The following PTPN3 variants were observed in gnomAD, a reference collection of about 807,000 sequenced individuals.
PTPN3 encodes tyrosine-protein phosphatase non-receptor type 3.
PTPN3 carries 96 observed loss-of-function variants against 132.7 expected under a neutral mutation model. The observed-to-expected ratio is 0.72, with a 90% CI of 0.61 to 0.86. PTPN3 has a LOEUF of 0.86. Among genes scored for constraint, PTPN3 ranks in the 40% least tolerant of loss-of-function variants. PTPN3 has a pLI of 0.00. For synonymous variants in PTPN3, 398 were observed against 429.0 expected, an observed-to-expected ratio of 0.93 and a Z score of 0.89; for missense variants, 1,125 against 1,159.6, an observed-to-expected ratio of 0.97 and a Z score of 0.43.
At chr9:109,402,034 C>T (rs1841159177) in intron 19 of PTPN3, among the ~76,000 whole-genome samples, 1 of 152,138 alleles carries the variant, frequency 6.6e-6, no homozygotes, top group South Asian at 2.1e-4. Flanking sequence ...GCCAGAAACT[C>T]CCCTCTCCTT....
chr9:109,437,811 C>G (rs1844167078), intron 8 of PTPN3, among the ~76,000 whole-genome samples: 2 of 152,116 alleles, frequency 1.3e-5, no homozygotes, highest in South Asian at 4.1e-4. Flanking sequence ...TTGGTACAGT[C>G]CATTGGTGGG....
intron 23 of PTPN3, 45 bp downstream of exon 23, chr9:109,383,378 A>T: frequency 1.2e-6 from 2 of 1,613,834 alleles, no homozygotes; most frequent in South Asian, 2.2e-5. Context: ...GTGGCCGCTG[A>T]TTCAGCACCT....
At chr9:109,459,907 C>T (rs1845756677) in intron 2 of PTPN3, among the ~76,000 whole-genome samples, 1 of 152,234 alleles carries the variant, frequency 6.6e-6, no homozygotes, top group East Asian at 1.9e-4. Context: ...GCACCGTTCG[C>T]AGCTTCCATC....
intron 9 of PTPN3, among the ~76,000 whole-genome samples, chr9:109,434,864 T>C (rs983216749): frequency 2.6e-5 from 4 of 152,172 alleles, no homozygotes; most frequent in African/African-American, 9.7e-5. Flanking sequence ...GAAACGTCCA[T>C]TCCCCTTTGC....
chr9:109,387,735 C>T (rs1338953847), intron 22 of PTPN3, among the ~76,000 whole-genome samples: 1 of 152,132 alleles, frequency 6.6e-6, no homozygotes. Flanking sequence ...TGCCTCTGAC[C>T]GCCAGTGGGC....
At chr9:109,429,424 C>T (rs1843512114) in intron 10 of PTPN3, among the ~76,000 whole-genome samples, 1 of 152,176 alleles carries the variant, frequency 6.6e-6, no homozygotes, top group Admixed American at 6.5e-5. Context: ...CAGAGAGCGG[C>T]CTTGTGAGGA....
Position 109,420,541 on chromosome 9 carries a change from A to G in PTPN3, c.1196T>C (p.Leu399Pro). ...RKPRHSSADN[L>P]ANEMTYITET... Reference sequence around the variant, plus strand: ...CGTGATGTAGGTCATTTCATTTGCAAGGTTATCTGCAGAAGAGTGGCGTGG... The same window carrying G: ...CGTGATGTAGGTCATTTCATTTGCAGGGTTATCTGCAGAAGAGTGGCGTGG... The change falls in exon 14 of 26, where the codon CTT becomes CCT. Residue 399 changes from leucine (L) to proline (P), a missense_variant. Coordinates refer to ENST00000374541, the MANE Select transcript of PTPN3 (RefSeq NM_002829.4). 6.2e-7 allele frequency: 1 copy of G among 1,613,310 alleles called. No homozygotes were observed. Among genetic ancestry groups the G allele is most frequent in the Non-Finnish European group, 8.5e-7 (1 of 1,179,962 alleles).
intron 7 of PTPN3, among the ~76,000 whole-genome samples, chr9:109,443,292 G>A (rs1408201329): frequency 6.6e-6 from 1 of 151,976 alleles, no homozygotes; most frequent in Non-Finnish European, 1.5e-5. Flanking sequence ...GCCCATGCCA[G>A]TCTCGACCTC....
chr9:109,529,903 T>G, the PTPN3 span, among the ~76,000 whole-genome samples: 8 of 152,188 alleles, frequency 5.3e-5, no homozygotes, highest in East Asian at 1.5e-3. Flanking sequence ...GCATACCATC[T>G]TTTCTTATTT....
chr9:109,451,031 T>C (rs1845205369), intron 5 of PTPN3: 1 of 943,152 alleles, frequency 1.1e-6, no homozygotes, highest in Non-Finnish European at 1.2e-6. Flanking sequence ...TTTTTTTATT[T>C]TTCATTTTTT....
At chr9:109,390,291 T>C (rs142356646) in intron 21 of PTPN3, among the ~76,000 whole-genome samples, 1 of 152,310 alleles carries the variant, frequency 6.6e-6, no homozygotes, top group Non-Finnish European at 1.5e-5. Flanking sequence ...ACTTGAGAAC[T>C]TAATCTGAGA....
At chr9:109,449,021 G>A in intron 5 of PTPN3, 166 bp from the exon 6 acceptor site, 2 of 1,424,686 alleles carry the variant, frequency 1.4e-6, no homozygotes, top group Non-Finnish European at 1.8e-6. Context: ...CTGCAAAGCT[G>A]CCCTGTCATT....
At chr9:109,517,740 C>A in the PTPN3 span, among the ~76,000 whole-genome samples, 1 of 152,190 alleles carries the variant, frequency 6.6e-6, no homozygotes, top group Non-Finnish European at 1.5e-5. Context: ...TCTCCCTTGC[C>A]CATCCAGATG....
upstream of PTPN3, chr9:109,498,401 C>T (rs1473571583): frequency 6.7e-6 from 1 of 148,376 alleles, no homozygotes; most frequent in African/African-American, 2.4e-5. This position sits in a 1 kb window ranked among gnomAD's most constrained non-coding sequence, Gnocchi z 4.2. Flanking sequence ...TCCGGGCTGG[C>T]CTGCGGTGTT....
intron 1 of PTPN3, among the ~76,000 whole-genome samples, chr9:109,497,223 C>T (rs1847708743): frequency 6.6e-6 from 1 of 152,160 alleles, no homozygotes; most frequent in African/African-American, 2.4e-5. Context: ...TTCTAATTTC[C>T]TCCTGAAATG....
At chr9:109,443,674 G>T (rs1453057336) in intron 7 of PTPN3, among the ~76,000 whole-genome samples, 3 of 152,196 alleles carry the variant, frequency 2.0e-5, no homozygotes, top group South Asian at 2.1e-4. Context: ...AAGGTCTACA[G>T]ATCATAAGAA....
the PTPN3 span, among the ~76,000 whole-genome samples, chr9:109,522,549 C>T: frequency 6.6e-6 from 1 of 152,160 alleles, no homozygotes; most frequent in Non-Finnish European, 1.5e-5. Context: ...TTTATTTATA[C>T]AAAGAATTCC....
chr9:109,456,408 G>T (rs1198712086), intron 4 of PTPN3, among the ~76,000 whole-genome samples: 1 of 152,204 alleles, frequency 6.6e-6, no homozygotes, highest in Non-Finnish European at 1.5e-5. Flanking sequence ...AATGTCGAGG[G>T]AGCCACCCAC....
chr9:109,398,307 C>A (rs987671828), intron 19 of PTPN3, among the ~76,000 whole-genome samples: 2 of 152,190 alleles, frequency 1.3e-5, no homozygotes, highest in East Asian at 1.9e-4. Flanking sequence ...CTTGAAGATA[C>A]AATTGCTCTC....
Sources: gnomAD v4.1 joint callset for allele counts (sites outside exome capture counted in the v4.1 genomes callset) on GRCh38, gnomAD v4.1.1 for gene constraint, Gnocchi (gnomAD v3.1) non-coding constraint, MANE v1.5 for transcripts, NCBI Gene and HGNC (gene_info 2026-07-23, HGNC 2026-07-21) for gene names.